PPP2R5E: variants seen among roughly 807,000 people sequenced by gnomAD.
The protein encoded by PPP2R5E is serine/threonine-protein phosphatase 2A 56 kDa regulatory subunit epsilon isoform.
A neutral mutation model predicts 65.3 loss-of-function variants in PPP2R5E; 4 were observed. That is an observed-to-expected ratio of 0.06 (90% CI 0.03 to 0.14). PPP2R5E has a LOEUF of 0.14. PPP2R5E is among the 10% of genes least tolerant of loss of function. PPP2R5E has a pLI of 1.00. For synonymous variants in PPP2R5E, 183 were observed against 187.4 expected (o/e 0.98, Z 0.19); for missense variants, 274 against 556.1 (o/e 0.49, Z 5.10).
rs546428232 is a variant in PPP2R5E, at chr14:63,375,753, T to C, written c.*256A>G. 822 of 269,120 alleles carry C rather than the reference T, an allele frequency of 3.1e-3. 12 individuals are homozygous for C. Among genetic ancestry groups the C allele is most frequent in the African/African-American group, 0.017 (771 of 45,532 alleles). 16.7% of individuals were successfully genotyped at this position (269,120 alleles called of 1,614,324 possible). A position where few individuals can be genotyped will look rare whatever the true frequency, so the allele number is the denominator to read the frequency against. On this transcript the variant is annotated 3_prime_UTR_variant, in exon 14 of 14. Transcript: ENST00000337537. ...TCAACAGATCTTTGAAGACCGATTT[T>C]TTTTTTTAAAAGAGGGTGAGAACAA...
At chr14:63,417,259 T>C (rs1455491896) in intron 4 of PPP2R5E, among the ~76,000 whole-genome samples, 1 of 152,222 alleles carries the variant, frequency 6.6e-6, no homozygotes, top group Non-Finnish European at 1.5e-5. Context: ...TTAAAAAGTC[T>C]TTAAGCTTTG....
At chr14:63,517,252 G>A (rs931208230) in intron 2 of PPP2R5E, among the ~76,000 whole-genome samples, 9 of 152,100 alleles carry the variant, frequency 5.9e-5, no homozygotes, top group Admixed American at 5.9e-4. Context: ...GTCAAGTAAT[G>A]TAGGTGTAGT....
At chr14:63,460,198 T>C (rs917895755) in intron 2 of PPP2R5E, among the ~76,000 whole-genome samples, 2 of 152,188 alleles carry the variant, frequency 1.3e-5, no homozygotes, top group Non-Finnish European at 1.5e-5. Flanking sequence ...TGACACACAT[T>C]ATCCCTTTTA....
intron 3 of PPP2R5E, among the ~76,000 whole-genome samples, chr14:63,430,430 C>T (rs922464441): frequency 6.6e-6 from 1 of 151,954 alleles, no homozygotes; most frequent in African/African-American, 2.4e-5. Flanking sequence ...TGCATACATA[C>T]ATATTCAACT....
intron 13 of PPP2R5E, among the ~76,000 whole-genome samples, chr14:63,378,205 T>C (rs1047600244): frequency 6.6e-6 from 1 of 152,234 alleles, no homozygotes; most frequent in Non-Finnish European, 1.5e-5. Flanking sequence ...GACCTTTTTA[T>C]TTGGAGAGAT....
intron 2 of PPP2R5E, among the ~76,000 whole-genome samples, chr14:63,520,079 A>AGGCTGGAGTGCAGTG (rs1465481701): frequency 1.3e-5 from 2 of 151,990 alleles, no homozygotes; most frequent in Non-Finnish European, 2.9e-5. Flanking sequence ...TCTGTCGCGC[A>AGGCTGGAGTGCAGTG]GGCTGGAGTG....
chr14:63,500,326 C>T (rs1439757485), intron 2 of PPP2R5E, among the ~76,000 whole-genome samples: 1 of 152,150 alleles, frequency 6.6e-6, no homozygotes, highest in Non-Finnish European at 1.5e-5. Flanking sequence ...GGGTACATCA[C>T]CTCTCATTCA....
intron 3 of PPP2R5E, among the ~76,000 whole-genome samples, chr14:63,423,216 C>A (rs1887137069): frequency 6.6e-6 from 1 of 152,188 alleles, no homozygotes; most frequent in African/African-American, 2.4e-5. Flanking sequence ...CTGCCTCAGC[C>A]TCCCAAGCAG....
intron 2 of PPP2R5E, among the ~76,000 whole-genome samples, chr14:63,520,611 G>A (rs1160570963): frequency 6.6e-6 from 1 of 152,102 alleles, no homozygotes; most frequent in Non-Finnish European, 1.5e-5. Context: ...GAACTGCATA[G>A]CCCACTGTAA....
rs1407963272 is a variant in PPP2R5E at position 63,448,446 on chromosome 14, G to A, written c.354+5243C>T. Among the ~76,000 whole-genome samples, 5 of 152,174 alleles carry A rather than the reference G, an allele frequency of 3.3e-5. No individual in the cohort carries two copies. The East Asian group carries it at 9.6e-4, about 29-fold the overall frequency. On this transcript the variant is annotated intron_variant, in intron 3 of 13. Transcript: ENST00000337537. ...ACACAAAGATATGAAAGGGGCATAT[G>A]CTGTTGGAAAAAATGGTACCAACAG...
Position 63,502,979 on chromosome 14 carries a change from A to C in PPP2R5E, c.157+36550T>G, listed in dbSNP as rs375502957. On this transcript the variant is annotated intron_variant, in intron 2 of 13. Transcript: ENST00000337537. ...ACCTCATCTCAGAAACAAAAATACA[A>C]AGACAGAGGACTAGCACATTAATAT... Among the ~76,000 whole-genome samples, 4 of 152,240 alleles carry C rather than the reference A, an allele frequency of 2.6e-5. No homozygotes were observed. In the East Asian group the frequency reaches 7.7e-4, roughly 29 times the overall value.
At chr14:63,506,324 G>C (rs1053747738) in intron 2 of PPP2R5E, among the ~76,000 whole-genome samples, 1 of 152,022 alleles carries the variant, frequency 6.6e-6, no homozygotes, top group Non-Finnish European at 1.5e-5. Flanking sequence ...GGTGGCGGGC[G>C]CCTGTAGTCC....
At chr14:63,409,127 G>C (rs1293683419) in intron 5 of PPP2R5E, among the ~76,000 whole-genome samples, 1 of 152,222 alleles carries the variant, frequency 6.6e-6, no homozygotes, top group Non-Finnish European at 1.5e-5. Flanking sequence ...CAGCTACTCA[G>C]GAGGCCGAGG....
intron 11 of PPP2R5E, among the ~76,000 whole-genome samples, 170 bp from the exon 12 acceptor site, chr14:63,384,741 G>T (rs1566663969): frequency 6.6e-6 from 1 of 151,982 alleles, no homozygotes; most frequent in Middle Eastern, 3.2e-3. Context: ...TTTGAGATGG[G>T]AGTCTCGCTA....
intron 2 of PPP2R5E, among the ~76,000 whole-genome samples, chr14:63,491,081 G>A (rs1402338807): frequency 6.6e-6 from 1 of 151,966 alleles, no homozygotes; most frequent in African/African-American, 2.4e-5. Flanking sequence ...CCTTTGCAAC[G>A]TGAATACAGC....
At chr14:63,383,067 C>G (rs913559095) in intron 12 of PPP2R5E, among the ~76,000 whole-genome samples, 2 of 152,116 alleles carry the variant, frequency 1.3e-5, no homozygotes, top group Non-Finnish European at 1.5e-5. Context: ...AACTGGCAAG[C>G]TGGGATGGTT....
At chr14:63,439,894 C>CA (rs1359274701) in intron 3 of PPP2R5E, among the ~76,000 whole-genome samples, 1 of 152,166 alleles carries the variant, frequency 6.6e-6, no homozygotes, top group Non-Finnish European at 1.5e-5. Flanking sequence ...GGAGAGAAGG[C>CA]ACAGTTCAAA....
intron 2 of PPP2R5E, among the ~76,000 whole-genome samples, chr14:63,534,229 A>G (rs1303872555): frequency 1.3e-5 from 2 of 152,120 alleles, no homozygotes; most frequent in Non-Finnish European, 2.9e-5. Flanking sequence ...TTACCTAGAT[A>G]ACAGTCAAGG....
intron 13 of PPP2R5E, among the ~76,000 whole-genome samples, chr14:63,376,361 A>G (rs745979573): frequency 1.3e-5 from 2 of 152,202 alleles, no homozygotes; most frequent in Non-Finnish European, 2.9e-5. Context: ...ATAGTTTCTC[A>G]AAAAGGATGC....
Sources: gnomAD v4.1 joint callset for allele counts (sites outside exome capture counted in the v4.1 genomes callset) on GRCh38, gnomAD v4.1.1 for gene constraint, MANE v1.5 for transcripts, NCBI Gene and HGNC (gene_info 2026-07-23, HGNC 2026-07-21) for gene names.